AKR1E2: variants seen among roughly 807,000 people sequenced by gnomAD.
AKR1E2 encodes 1,5-anhydro-D-fructose reductase.
AKR1E2 carries 43 observed loss-of-function variants against 41.9 expected under a neutral mutation model. That is an observed-to-expected ratio of 1.03 (90% confidence interval 0.80 to 1.32). The LOEUF is 1.32. Ranked by LOEUF, AKR1E2 falls within the 40% of genes most tolerant of loss-of-function variation. The probability of loss-of-function intolerance (pLI) is 0.00; values close to 1 mark genes in which losing one functional copy is unlikely to be tolerated. For synonymous variants in AKR1E2, 121 were observed against 138.9 expected (o/e 0.87, Z 0.91); for missense variants, 423 against 396.5 (o/e 1.07, Z -0.57).
At chr10:4,847,079 T>C (rs1458000223) in intron 8 of AKR1E2, 69 bp from the exon 9 acceptor site, 1 of 1,553,838 alleles carries the variant, frequency 6.4e-7, no homozygotes, top group Non-Finnish European at 8.9e-7. Flanking sequence ...CTGTGCTATG[T>C]AGGTAACATG....
the AKR1E2 span, among the ~76,000 whole-genome samples, chr10:4,861,752 C>A: frequency 6.6e-6 from 1 of 152,068 alleles, no homozygotes; most frequent in Admixed American, 6.6e-5. Context: ...AAGATATATT[C>A]CTTCACTCAC....
chr10:4,847,194 G>A lies in AKR1E2; in HGVS notation c.884G>A (p.Ser295Asn). The change falls in exon 9 of 10, where the codon AGC (serine) becomes AAC (asparagine). Residue 295 changes from serine (S) to asparagine (N), a missense_variant. Transcript: ENST00000298375. ...CAGCACGATATGGATAACATCCTCA[G>A]CCTAAACAGGAATCTCCGACTGGCC... Reference protein sequence around the residue: ...LTQHDMDNILSLNRNLRLAMF... With the variant: ...LTQHDMDNILNLNRNLRLAMF... 1 of 1,614,190 alleles carries A rather than the reference G, an allele frequency of 6.2e-7. No homozygotes were observed. The highest frequency in any genetic ancestry group is 8.5e-7 in the Non-Finnish European group (1 of 1,180,034).
chr10:4,832,817 T>C (rs1164151338), intron 2 of AKR1E2, among the ~76,000 whole-genome samples: 1 of 152,132 alleles, frequency 6.6e-6, no homozygotes, highest in Non-Finnish European at 1.5e-5. Flanking sequence ...TCACAGTCAA[T>C]AAAAGTAAAA....
chr10:4,850,765 A>G (rs973572025), downstream of AKR1E2, among the ~76,000 whole-genome samples: 1 of 152,102 alleles, frequency 6.6e-6, no homozygotes, highest in South Asian at 2.1e-4. Context: ...TGGCATTCCT[A>G]TGAGTTCACT....
the AKR1E2 span, among the ~76,000 whole-genome samples, chr10:4,870,772 A>G: frequency 4.0e-5 from 6 of 151,408 alleles, no homozygotes; most frequent in Non-Finnish European, 8.8e-5. Flanking sequence ...TTTGGTTTAT[A>G]TTGTTTGAAG....
chr10:4,835,548 T>TG, intron 3 of AKR1E2, 127 bp from the exon 4 acceptor site: 1 of 1,217,090 alleles, frequency 8.2e-7, no homozygotes. Context: ...AGACTGGGCC[T>TG]GGTCACATGG....
chr10:4,844,912 C>T (rs377608613), intron 8 of AKR1E2, among the ~76,000 whole-genome samples: 7 of 152,226 alleles, frequency 4.6e-5, no homozygotes, highest in African/African-American at 1.2e-4. Context: ...GGCGGTGTGC[C>T]GGCACTCCTC....
chr10:4,835,860 C>T (rs774345769), intron 4 of AKR1E2, 51 bp downstream of exon 4: 16 of 1,604,772 alleles, frequency 1.0e-5, no homozygotes, highest in Non-Finnish European at 1.4e-5. Context: ...GGTCTCCACC[C>T]AGGATGCAGT....
intron 2 of AKR1E2, among the ~76,000 whole-genome samples, chr10:4,831,800 T>C (rs1014735308): frequency 6.6e-6 from 1 of 152,224 alleles, no homozygotes; most frequent in African/African-American, 2.4e-5. Flanking sequence ...GCTGTGCTTT[T>C]ACCTAGAGAC....
the AKR1E2 span, among the ~76,000 whole-genome samples, chr10:4,856,844 C>A: frequency 6.6e-6 from 1 of 152,042 alleles, no homozygotes; most frequent in South Asian, 2.1e-4. Context: ...TTGTTTTGGT[C>A]CTCTTTAGAA....
downstream of AKR1E2, among the ~76,000 whole-genome samples, chr10:4,849,336 A>G (rs1834479301): frequency 1.3e-5 from 2 of 152,174 alleles, no homozygotes; most frequent in South Asian, 4.1e-4. Flanking sequence ...CTTTGTGCAA[A>G]TTACTTAACC....
chr10:4,825,333 G>A (rs796979874), upstream of AKR1E2, among the ~76,000 whole-genome samples: 5 of 152,338 alleles, frequency 3.3e-5, no homozygotes, highest in African/African-American at 1.2e-4. Flanking sequence ...TCCCAGGGCT[G>A]AGGGGGGCAA....
At chr10:4,864,586 A>G in the AKR1E2 span, among the ~76,000 whole-genome samples, 1 of 143,132 alleles carries the variant, frequency 7.0e-6, no homozygotes, top group Non-Finnish European at 1.6e-5. Flanking sequence ...CTCCTATTCA[A>G]CAGTGTTGGA....
intron 3 of AKR1E2, 25 bp downstream of exon 3, chr10:4,833,491 C>G (rs372211858): frequency 5.7e-6 from 9 of 1,592,792 alleles, no homozygotes; most frequent in Non-Finnish European, 7.8e-6. Flanking sequence ...GTAGTTCGTT[C>G]TGCAGTTTGC....
chr10:4,827,616 G>C (rs962613019), intron 1 of AKR1E2, among the ~76,000 whole-genome samples: 4 of 151,302 alleles, frequency 2.6e-5, no homozygotes, highest in South Asian at 2.1e-4. Flanking sequence ...AAAAAAAAAA[G>C]CTAAACTTAG....
At chr10:4,850,139 G>C (rs918186099), downstream of AKR1E2, among the ~76,000 whole-genome samples, 1 of 152,162 alleles carries the variant, frequency 6.6e-6, no homozygotes, top group African/African-American at 2.4e-5. Flanking sequence ...TTGGTTCCCT[G>C]CTTTTCTCTA....
chr10:4,827,017 A>G (rs1832578008), intron 1 of AKR1E2, among the ~76,000 whole-genome samples: 1 of 148,380 alleles, frequency 6.7e-6, no homozygotes, highest in Admixed American at 6.9e-5. Context: ...TCGATGCTGC[A>G]GTGAGCTTTG....
chr10:4,851,740 T>C (rs889684974), downstream of AKR1E2, among the ~76,000 whole-genome samples: 1 of 152,224 alleles, frequency 6.6e-6, no homozygotes, highest in Non-Finnish European at 1.5e-5. Context: ...TTAAGTAAAT[T>C]ACCCGCAAAT....
At chr10:4,858,436 C>T in the AKR1E2 span, among the ~76,000 whole-genome samples, 4 of 152,174 alleles carry the variant, frequency 2.6e-5, no homozygotes, top group Non-Finnish European at 4.4e-5. Context: ...GATGAATTGT[C>T]TTTGGTCTTT....
Sources: gnomAD v4.1 joint callset for allele counts (sites outside exome capture counted in the v4.1 genomes callset) on GRCh38, gnomAD v4.1.1 for gene constraint, MANE v1.5 for transcripts, NCBI Gene and HGNC (gene_info 2026-07-23, HGNC 2026-07-21) for gene names.